The following PDILT variants were observed in gnomAD, a reference collection of about 807,000 sequenced individuals.
PDILT encodes protein disulfide isomerase like, testis expressed, also known as protein disulfide-isomerase-like protein of the testis.
Under a neutral mutation model 53.7 loss-of-function variants are expected in PDILT, and 43 were observed. That is an observed-to-expected ratio of 0.80 (90% CI 0.63 to 1.03). PDILT has a LOEUF of 1.03. PDILT is among the 50% of genes least tolerant of loss of function. PDILT has a pLI of 0.00. For missense variants in PDILT, 727 were observed against 712.3 expected, an observed-to-expected ratio of 1.02 and a Z score of -0.24; for synonymous variants, 282 against 274.2, an observed-to-expected ratio of 1.03 and a Z score of -0.28.
At chr16:20,377,900 G>C (rs760345598) in intron 3 of PDILT, among the ~76,000 whole-genome samples, 2 of 152,006 alleles carry the variant, frequency 1.3e-5, no homozygotes, top group Non-Finnish European at 2.9e-5. Flanking sequence ...GTTGCAGTGA[G>C]CCAAGTTCGC....
At chr16:20,376,026 C>G in intron 4 of PDILT, 42 bp downstream of exon 4, 1 of 1,611,340 alleles carries the variant, frequency 6.2e-7, no homozygotes, top group East Asian at 2.2e-5. Context: ...CACAGCACTT[C>G]TCATCAGTTG....
At chr16:20,396,827 C>T (rs1206767227) in intron 2 of PDILT, among the ~76,000 whole-genome samples, 2 of 152,168 alleles carry the variant, frequency 1.3e-5, no homozygotes, top group African/African-American at 4.8e-5. Context: ...TCATAGAGCC[C>T]ACCCATTGCC....
intron 7 of PDILT, among the ~76,000 whole-genome samples, chr16:20,370,670 C>T (rs1966292629): frequency 6.6e-6 from 1 of 152,162 alleles, no homozygotes; most frequent in African/African-American, 2.4e-5. Flanking sequence ...CTACGGGGCT[C>T]CTTTCCCAGA....
At position 20,401,911 on chromosome 16, in the gene PDILT, G is replaced by C. The variant is rs118115949; in HGVS notation, c.-8+2585C>G. Among the ~76,000 whole-genome samples, 1,409 of 152,328 alleles carry C rather than the reference G, an allele frequency of 9.2e-3. 20 individuals are homozygous for C. The highest frequency in any genetic ancestry group is 0.03 in the South Asian group (146 of 4,828). ...TCAGGTTTCCTGCTAACCTGGGCAGGCTGGATCATAAGCCTCAAATGTTTC... is the reference window on the plus strand; with the variant it reads ...TCAGGTTTCCTGCTAACCTGGGCAGCCTGGATCATAAGCCTCAAATGTTTC... On this transcript the variant is annotated intron_variant, in intron 1 of 11. Transcript: ENST00000302451.
At chr16:20,391,932 G>C (rs1966610858) in intron 2 of PDILT, among the ~76,000 whole-genome samples, 1 of 151,648 alleles carries the variant, frequency 6.6e-6, no homozygotes, top group Non-Finnish European at 1.5e-5. Flanking sequence ...CCCAGAGGCT[G>C]TAGCTGTGGG....
intron 3 of PDILT, among the ~76,000 whole-genome samples, chr16:20,384,113 ACT>A (rs1161636187): frequency 9.9e-5 from 15 of 151,920 alleles, no homozygotes; most frequent in Admixed American, 9.8e-4. Context: ...TAGTCCTAGG[ACT>A]CTGTCAAATC....
chr16:20,376,481 T>C (rs1341151877), intron 3 of PDILT, among the ~76,000 whole-genome samples: 3 of 152,150 alleles, frequency 2.0e-5, no homozygotes, highest in Non-Finnish European at 2.9e-5. Flanking sequence ...ATAGACACTT[T>C]TACTCTCCCC....
At chr16:20,401,485 A>T (rs2141626172) in intron 1 of PDILT, among the ~76,000 whole-genome samples, 1 of 152,290 alleles carries the variant, frequency 6.6e-6, no homozygotes, top group East Asian at 1.9e-4. Context: ...AGGGAGGGTC[A>T]CCCAGAACCG....
chr16:20,362,408 T>G lies in PDILT; in HGVS notation c.1412A>C (p.Gln471Pro). 1 of 1,614,080 alleles carries G rather than the reference T, an allele frequency of 6.2e-7. No individual in the cohort carries two copies. The highest frequency in any genetic ancestry group is 8.5e-7 in the Non-Finnish European group (1 of 1,179,962). The change falls in exon 10 of 12, where the codon CAA (glutamine) becomes CCA (proline). Residue 471 changes from glutamine to proline, a missense_variant. Coordinates refer to ENST00000302451, the MANE Select transcript of PDILT (RefSeq NM_174924.2). ...TGCGTCCCAAGAGCCCCTCACTTGT[T>G]GAGAGCCGCTGGGGAACAGCCTGAA... ...PFFRLFPSGS[Q>P]QAVLYKGEHT...
intron 4 of PDILT, 113 bp downstream of exon 4, chr16:20,375,955 T>G: frequency 7.4e-7 from 1 of 1,352,146 alleles, no homozygotes; most frequent in Non-Finnish European, 1.0e-6. Context: ...AACCAGATCA[T>G]TGGATGGAGA....
chr16:20,394,012 A>G (rs1567331212), intron 2 of PDILT, among the ~76,000 whole-genome samples: 1 of 152,108 alleles, frequency 6.6e-6, no homozygotes, highest in Non-Finnish European at 1.5e-5. Context: ...CCTTAGTTTC[A>G]ATGTTATGGG....
Position 20,387,611 on chromosome 16 carries a change from CTTTTCTTTTTTCTT to C in PDILT, c.203-2774_203-2761del, listed in dbSNP as rs570187909. Among the ~76,000 whole-genome samples, 18 of 151,994 alleles carry C rather than the reference CTTTTCTTTTTTCTT, an allele frequency of 1.2e-4. No individual in the cohort carries two copies. In the East Asian group the frequency reaches 3.5e-3, roughly 29 times the overall value. ...GGAGGTGATCTGAGTTACTCTTTTT[CTTTTCTTTTTTCTT>C]TTTTCTTTTTTTTTTAGACGGATCT... is the stretch of plus-strand genomic sequence containing the variant. On this transcript the variant is annotated intron_variant, in intron 2 of 11. Coordinates refer to ENST00000302451, the MANE Select transcript of PDILT (RefSeq NM_174924.2).
rs189293187 is a variant in PDILT at position 20,377,773 on chromosome 16, T to C, written c.410-1572A>G. ...ATCGAGACAATCCTGGCTAACACAG[T>C]GAAACCCCATCTCTACTAAAAATAC... On this transcript the variant is annotated intron_variant, in intron 3 of 11. Transcript: ENST00000302451. Among the ~76,000 whole-genome samples the C allele has an allele frequency of 3.2e-4, 48 of 151,960 alleles. 1 individual carries two copies. The highest frequency in any genetic ancestry group is 5.3e-4 in the Non-Finnish European group (36 of 67,960).
intron 10 of PDILT, among the ~76,000 whole-genome samples, 167 bp downstream of exon 10, chr16:20,362,237 A>G (rs1328688386): frequency 6.6e-6 from 1 of 152,194 alleles, no homozygotes; most frequent in African/African-American, 2.4e-5. Context: ...CTTTGGTGCA[A>G]ACTACTGGAA....
intron 7 of PDILT, among the ~76,000 whole-genome samples, chr16:20,370,720 C>T (rs145977168): frequency 4.6e-5 from 7 of 151,998 alleles, no homozygotes; most frequent in African/African-American, 1.2e-4. Flanking sequence ...GATAGGAGGT[C>T]GGCACAAGAT....
At chr16:20,401,867 G>A (rs1349091028) in intron 1 of PDILT, among the ~76,000 whole-genome samples, 1 of 152,280 alleles carries the variant, frequency 6.6e-6, no homozygotes, top group Non-Finnish European at 1.5e-5. Flanking sequence ...CCTGATCAAG[G>A]AAGGGGCAGT....
At chr16:20,384,238 C>A (rs373899423) in intron 3 of PDILT, among the ~76,000 whole-genome samples, 45 of 152,290 alleles carry the variant, frequency 3.0e-4, no homozygotes, top group African/African-American at 9.9e-4. Context: ...TTCTAGGGCC[C>A]ATCAGCTGAG....
intron 8 of PDILT, among the ~76,000 whole-genome samples, chr16:20,368,850 C>A (rs1213045236): frequency 6.6e-6 from 1 of 152,116 alleles, no homozygotes; most frequent in Admixed American, 6.5e-5. Flanking sequence ...TTGCAAAGTG[C>A]TGGGATTACA....
intron 7 of PDILT, among the ~76,000 whole-genome samples, chr16:20,372,271 G>A (rs943221537): frequency 1.3e-5 from 2 of 152,194 alleles, no homozygotes; most frequent in Non-Finnish European, 2.9e-5. Flanking sequence ...ACCTCAATAT[G>A]GGGTTAAGAA....
Sources: gnomAD v4.1 joint callset for allele counts (sites outside exome capture counted in the v4.1 genomes callset) on GRCh38, gnomAD v4.1.1 for gene constraint, MANE v1.5 for transcripts, NCBI Gene and HGNC (gene_info 2026-07-23, HGNC 2026-07-21) for gene names.